Variants in EDNRB observed in about 807,000 individuals in gnomAD.
EDNRB encodes the protein endothelin receptor type B.
Under a neutral mutation model 46.4 loss-of-function variants are expected in EDNRB, and 18 were observed. The ratio of observed to expected loss-of-function variants is 0.39; its 90% CI spans 0.27 to 0.57. The LOEUF (loss-of-function observed/expected upper bound fraction) is 0.57. Ranked by LOEUF, EDNRB falls within the 20% of genes least tolerant of loss-of-function variation. The pLI is 0.61. For synonymous variants in EDNRB, 213 were observed against 204.9 expected (o/e 1.04, Z -0.34); for missense variants, 434 against 537.5 (o/e 0.81, Z 1.90).
chr13:77,896,461 C>A lies in EDNRB; in HGVS notation c.*1739G>T. On this transcript the variant is annotated 3_prime_UTR_variant, in exon 7 of 7. Transcript: ENST00000646607. ...TGTGAATTAATTATTATTGCTCTTT[C>A]TTTCTGGCCACATTGTTGGGTTTTG... 1 of 1,571,690 alleles carries A rather than the reference C, an allele frequency of 6.4e-7. No homozygotes were observed. Among genetic ancestry groups the A allele is most frequent in the African/African-American group, 1.3e-5 (1 of 74,402 alleles).
At chr13:77,906,342 C>A (rs1013029087) in intron 1 of EDNRB, among the ~76,000 whole-genome samples, 8 of 152,002 alleles carry the variant, frequency 5.3e-5, no homozygotes, top group Admixed American at 6.6e-5. Context: ...CTAGACCCAG[C>A]CTGGTACAAC....
chr13:77,958,348 A>T (rs1252183103), intron 1 of EDNRB, among the ~76,000 whole-genome samples: 4 of 11,064 alleles, frequency 3.6e-4, no homozygotes, highest in Non-Finnish European at 8.5e-4. Context: ...AGGTTATTTT[A>T]TTTATTTATT....
intron 1 of EDNRB, among the ~76,000 whole-genome samples, chr13:77,932,659 G>T (rs969241706): frequency 3.3e-5 from 5 of 152,194 alleles, no homozygotes; most frequent in Admixed American, 6.5e-5. Context: ...GAAATTGCAT[G>T]TGTATGTCCA....
Position 77,898,290 on chromosome 13 carries a change from G to A in EDNRB, c.1239C>T (p.Ser413=), listed in dbSNP as rs139317762. 10 of 1,611,994 alleles carry A rather than the reference G, an allele frequency of 6.2e-6. No homozygotes were observed. Among genetic ancestry groups the A allele is most frequent in the Non-Finnish European group, 8.5e-6 (10 of 1,178,828 alleles). Residue 413 remains serine, a synonymous_variant, in exon 7 of 7, where the codon TCC becomes TCT. Coordinates refer to ENST00000646607, the MANE Select transcript of EDNRB (RefSeq NM_001122659.3). The part of the protein sequence containing the change: ...CWCQSFEEKQ[S]LEEKQSCLKF... ...TTAAGCACGACTGCTTTTCCTCCAA[G>A]GACTGTTTTTCTTCAAATGACTGGC... is the stretch of plus-strand genomic sequence containing the variant.
At chr13:77,963,425 T>C (rs1374600685) in intron 1 of EDNRB, among the ~76,000 whole-genome samples, 2 of 152,212 alleles carry the variant, frequency 1.3e-5, no homozygotes, top group Non-Finnish European at 2.9e-5. Context: ...AACAGAGATA[T>C]AGACCAGTGG....
At chr13:77,900,729 T>C in intron 4 of EDNRB, 75 bp from the exon 5 acceptor site, 96 of 1,591,722 alleles carry the variant, frequency 6.0e-5, no homozygotes, top group Non-Finnish European at 8.2e-5. Flanking sequence ...TAAAACGACA[T>C]TTAATATTGT....
chr13:77,943,353 T>C (rs781567331), intron 1 of EDNRB, among the ~76,000 whole-genome samples: 2 of 152,110 alleles, frequency 1.3e-5, no homozygotes, highest in East Asian at 1.9e-4. Flanking sequence ...TAATCTCTAT[T>C]AATGATGGAG....
At chr13:77,967,663 T>C (rs556854864) in intron 1 of EDNRB, among the ~76,000 whole-genome samples, 8 of 152,362 alleles carry the variant, frequency 5.3e-5, no homozygotes, top group African/African-American at 1.9e-4. Context: ...TACAATATAA[T>C]GGATAATGTT....
intron 1 of EDNRB, among the ~76,000 whole-genome samples, chr13:77,931,217 A>G (rs1019148060): frequency 2.0e-5 from 3 of 152,190 alleles, no homozygotes; most frequent in South Asian, 2.1e-4. Context: ...AAAAATAAAG[A>G]CATTAATGGA....
At chr13:77,922,734 T>A (rs12585118), upstream of EDNRB, among the ~76,000 whole-genome samples, 31,004 of 152,140 alleles carry the variant, frequency 0.2, 3,713 homozygotes, top group East Asian at 0.53. Flanking sequence ...GAATCTTTTT[T>A]AATTAAGTAT....
rs1347506312 is a variant in EDNRB at position 77,897,928 on chromosome 13, AGTT to A, written c.*269_*271del. The A allele has an allele frequency of 4.2e-6, 5 of 1,180,560 alleles. No individual in the cohort carries two copies. Among genetic ancestry groups the A allele is most frequent in the Non-Finnish European group, 5.3e-6 (5 of 947,532 alleles). The allele number at this position is 1,180,560 out of a possible 1,614,324, so 73.1% of individuals were successfully genotyped here. A position where few individuals can be genotyped will look rare whatever the true frequency, so the allele number is the denominator to read the frequency against. Reference sequence around the variant, plus strand: ...CTAAGTGTTGTGTGAATATCCTGGAAGTTGTTAAGAGCTATGTTGAAGTGCTAA... The same window carrying A: ...CTAAGTGTTGTGTGAATATCCTGGAAGTTAAGAGCTATGTTGAAGTGCTAA... On this transcript the variant is annotated 3_prime_UTR_variant, in exon 7 of 7. Coordinates refer to ENST00000646607, the MANE Select transcript of EDNRB (RefSeq NM_001122659.3).
At chr13:77,943,860 A>G (rs1880822483) in intron 1 of EDNRB, among the ~76,000 whole-genome samples, 1 of 152,082 alleles carries the variant, frequency 6.6e-6, no homozygotes, top group Non-Finnish European at 1.5e-5. Context: ...AGAAAATTTT[A>G]ACCTACAAAT....
chr13:77,908,043 A>AGAGAG (rs1198545980), intron 1 of EDNRB, among the ~76,000 whole-genome samples: 1 of 72,490 alleles, frequency 1.4e-5, no homozygotes, highest in Non-Finnish European at 2.4e-5. Context: ...AAAAAAAAAA[A>AGAGAG]AGAGAGAGAG....
At chr13:77,901,845 C>A (rs532428364) in intron 3 of EDNRB, among the ~76,000 whole-genome samples, 4 of 151,928 alleles carry the variant, frequency 2.6e-5, no homozygotes, top group Admixed American at 2.6e-4. Flanking sequence ...AAGGAAATAG[C>A]AATTTCATTT....
chr13:77,922,050 G>C (rs1005177839), upstream of EDNRB, among the ~76,000 whole-genome samples: 2 of 151,448 alleles, frequency 1.3e-5, no homozygotes, highest in East Asian at 3.9e-4. Context: ...TTCTATATAT[G>C]AGCAAAAAGT....
intron 1 of EDNRB, among the ~76,000 whole-genome samples, chr13:77,943,619 T>A (rs1880814286): frequency 6.6e-6 from 1 of 152,102 alleles, no homozygotes. Flanking sequence ...TGGTTTTATA[T>A]GTTTTTATGT....
At chr13:77,967,960 C>A (rs1302239924) in intron 1 of EDNRB, among the ~76,000 whole-genome samples, 1 of 152,120 alleles carries the variant, frequency 6.6e-6, no homozygotes, top group Non-Finnish European at 1.5e-5. Flanking sequence ...ACAAAGGCAT[C>A]CAAATGCATT....
At chr13:77,957,000 G>A (rs1415062149) in intron 1 of EDNRB, among the ~76,000 whole-genome samples, 1 of 152,164 alleles carries the variant, frequency 6.6e-6, no homozygotes, top group African/African-American at 2.4e-5. Flanking sequence ...ACTAGGACAT[G>A]GGCATTTTGG....
intron 1 of EDNRB, among the ~76,000 whole-genome samples, chr13:77,912,511 T>C (rs1223955702): frequency 6.6e-6 from 1 of 152,130 alleles, no homozygotes; most frequent in Non-Finnish European, 1.5e-5. Flanking sequence ...TTTCTTTTTC[T>C]TTTTCATTTG....
Sources: gnomAD v4.1 joint callset for allele counts (sites outside exome capture counted in the v4.1 genomes callset) on GRCh38, gnomAD v4.1.1 for gene constraint, MANE v1.5 for transcripts, NCBI Gene and HGNC (gene_info 2026-07-23, HGNC 2026-07-21) for gene names.